Variants in EYS observed in about 807,000 individuals in gnomAD.
EYS encodes protein eyes shut homolog.
A neutral mutation model predicts 282.1 loss-of-function variants in EYS; 250 were observed. The observed-to-expected ratio is 0.89, with a 90% CI of 0.80 to 0.98. The LOEUF is 0.98. EYS is among the 50% of genes least tolerant of loss of function. The pLI, the probability that EYS is intolerant of heterozygous loss-of-function variation, is 0.00. For synonymous variants in EYS, 1,355 were observed against 1,282.9 expected (o/e 1.06, Z -1.20); for missense variants, 4,016 against 3,709.0 (o/e 1.08, Z -2.15).
intron 26 of EYS, among the ~76,000 whole-genome samples, chr6:64,526,749 G>A (rs892618016): frequency 6.6e-6 from 1 of 151,740 alleles, no homozygotes; most frequent in Non-Finnish European, 1.5e-5. Context: ...TTCTGTTTAG[G>A]TTTCTAAATC....
chr6:64,200,761 T>C (rs1256923351), intron 31 of EYS, among the ~76,000 whole-genome samples: 2 of 151,996 alleles, frequency 1.3e-5, no homozygotes, highest in African/African-American at 4.8e-5. Context: ...GAGCTTACAT[T>C]AGTATTGATA....
intron 2 of EYS, among the ~76,000 whole-genome samples, chr6:65,497,010 C>T (rs1766279834): frequency 6.6e-6 from 1 of 151,892 alleles, no homozygotes; most frequent in South Asian, 2.1e-4. Flanking sequence ...TGACAAATAA[C>T]ACAAATATGC....
intron 18 of EYS, among the ~76,000 whole-genome samples, chr6:64,897,911 G>T (rs1023811915): frequency 6.6e-6 from 1 of 152,122 alleles, no homozygotes; most frequent in Non-Finnish European, 1.5e-5. Context: ...AGAGAAAAAA[G>T]AATGAAAAGG....
At chr6:65,116,796 A>G (rs1775388411) in intron 12 of EYS, among the ~76,000 whole-genome samples, 1 of 152,218 alleles carries the variant, frequency 6.6e-6, no homozygotes, top group African/African-American at 2.4e-5. Context: ...TTGTGACTTA[A>G]GTTGTTATAC....
intron 26 of EYS, among the ~76,000 whole-genome samples, chr6:64,580,180 T>C (rs919925092): frequency 6.6e-6 from 1 of 152,144 alleles, no homozygotes; most frequent in Non-Finnish European, 1.5e-5. Context: ...ACATACAGCC[T>C]TTCTGGGATC....
intron 7 of EYS, among the ~76,000 whole-genome samples, chr6:65,391,856 T>A (rs1766049192): frequency 6.6e-6 from 1 of 152,186 alleles, no homozygotes; most frequent in Admixed American, 6.5e-5. Context: ...AGAGCCCGCA[T>A]TGCCAAGTCA....
chr6:63,903,639 C>T (rs1773708212), intron 35 of EYS, among the ~76,000 whole-genome samples: 1 of 152,226 alleles, frequency 6.6e-6, no homozygotes, highest in Non-Finnish European at 1.5e-5. Context: ...TTATAACTTT[C>T]TCATAACTTA....
intron 26 of EYS, among the ~76,000 whole-genome samples, chr6:64,492,634 C>T (rs1287918046): frequency 6.6e-6 from 1 of 151,182 alleles, no homozygotes; most frequent in Non-Finnish European, 1.5e-5. Context: ...GAAGAATATA[C>T]AAGATGCTGG....
intron 11 of EYS, among the ~76,000 whole-genome samples, chr6:65,300,637 A>T (rs1434686032): frequency 6.6e-6 from 1 of 152,152 alleles, no homozygotes; most frequent in Admixed American, 6.5e-5. Context: ...ATCACCAAAA[A>T]ATATGGTTTG....
intron 31 of EYS, among the ~76,000 whole-genome samples, chr6:64,163,866 A>G (rs910155409): frequency 1.1e-4 from 16 of 152,128 alleles, no homozygotes; most frequent in African/African-American, 3.9e-4. Flanking sequence ...AGGGGAGAGA[A>G]GCAGACATGA....
At chr6:64,687,554 A>AT (rs1368526591) in intron 22 of EYS, among the ~76,000 whole-genome samples, 5 of 152,214 alleles carry the variant, frequency 3.3e-5, no homozygotes, top group African/African-American at 1.2e-4. Flanking sequence ...CCAGCCTTAC[A>AT]TCCCAGGGAT....
chr6:64,940,763 T>C (rs996573838), intron 15 of EYS, among the ~76,000 whole-genome samples: 1 of 152,056 alleles, frequency 6.6e-6, no homozygotes, highest in Non-Finnish European at 1.5e-5. Flanking sequence ...TTCAATTTAA[T>C]AAAGCAAACT....
intron 31 of EYS, among the ~76,000 whole-genome samples, chr6:64,204,071 A>G (rs928921158): frequency 1.3e-4 from 20 of 152,340 alleles, no homozygotes; most frequent in African/African-American, 4.3e-4. Context: ...TGAGGCTAAA[A>G]TACCTGGCAT....
intron 12 of EYS, among the ~76,000 whole-genome samples, chr6:65,103,899 TG>T (rs1774963508): frequency 6.6e-6 from 1 of 151,438 alleles, no homozygotes. Context: ...TGCAGTCAGG[TG>T]GTAATTCTTC....
chr6:65,068,140 G>C (rs1319831354), intron 12 of EYS, among the ~76,000 whole-genome samples: 1 of 152,046 alleles, frequency 6.6e-6, no homozygotes, highest in Non-Finnish European at 1.5e-5. Context: ...TATTGCCTGA[G>C]AGATTTTTCA....
chr6:64,024,194 G>A (rs1177284694), intron 33 of EYS, among the ~76,000 whole-genome samples: 2 of 152,248 alleles, frequency 1.3e-5, no homozygotes, highest in Non-Finnish European at 2.9e-5. Flanking sequence ...AGCCAGCGGG[G>A]CTCCTGAGTC....
chr6:65,530,517 T>G (rs115140478), intron 2 of EYS, among the ~76,000 whole-genome samples: 164 of 152,322 alleles, frequency 1.1e-3, no homozygotes, highest in African/African-American at 3.9e-3. Flanking sequence ...GAAATGCTGG[T>G]GGACCCCTGG....
chr6:65,348,803 G>T (rs992757464), intron 9 of EYS, among the ~76,000 whole-genome samples: 3 of 151,580 alleles, frequency 2.0e-5, no homozygotes, highest in African/African-American at 7.3e-5. Context: ...CAATATGCTG[G>T]ATAGTTTCCC....
chr6:65,484,224 G>A (rs1309516100), intron 5 of EYS, among the ~76,000 whole-genome samples: 42 of 151,938 alleles, frequency 2.8e-4, no homozygotes, highest in Non-Finnish European at 1.0e-4. Context: ...TATGCTCATG[G>A]GGTAGAAGAC....
Sources: allele counts gnomAD v4.1 joint callset (sites outside exome capture counted in the v4.1 genomes callset), GRCh38; gene constraint gnomAD v4.1.1; transcripts MANE v1.5; gene names NCBI Gene and HGNC (gene_info 2026-07-23, HGNC 2026-07-21).